SMTNL2: variants seen among roughly 807,000 people sequenced by gnomAD.
SMTNL2 encodes smoothelin like 2.
In SMTNL2, 43 loss-of-function variants were observed where a neutral mutation model predicts 44.1. The ratio of observed to expected loss-of-function variants is 0.98; its 90% CI spans 0.76 to 1.26. The LOEUF is 1.26. Among genes scored for constraint, SMTNL2 ranks in the 50% most tolerant of loss-of-function variants. The pLI, the probability that SMTNL2 is intolerant of heterozygous loss-of-function variation, is 0.00. For synonymous variants in SMTNL2, 317 were observed against 287.6 expected (o/e 1.10, Z -1.03); for missense variants, 646 against 670.2 (o/e 0.96, Z 0.40).
Position 4,607,532 on chromosome 17 carries a change from C to G in SMTNL2, c.*45C>G. The G allele has an allele frequency of 6.3e-7, 1 of 1,596,418 alleles. No homozygotes were observed. The highest frequency in any genetic ancestry group is 8.6e-7 in the Non-Finnish European group (1 of 1,167,288). On this transcript the variant is annotated 3_prime_UTR_variant, in exon 8 of 8. Coordinates refer to ENST00000389313, the MANE Select transcript of SMTNL2 (RefSeq NM_001114974.2). This position sits in a 1 kb window ranked among gnomAD's most constrained non-coding sequence, Gnocchi z 4.7. ...CCAAAGAGCAGCCCCAGGAAGAGGC[C>G]GGGGGTCCGCTTGCGATTCCCCAGC...
chr17:4,605,153 GTT>G lies in SMTNL2; in HGVS notation c.1260-2183_1260-2182del, dbSNP rs753950451. Among the ~76,000 whole-genome samples, 43 of 82,238 alleles carry G rather than the reference GTT, an allele frequency of 5.2e-4. 1 individual carries two copies. The highest frequency in any genetic ancestry group is 1.7e-3 in the African/African-American group (32 of 18,494). The allele number at this position is 82,238 out of a possible 152,430, so 54.0% of individuals were successfully genotyped here. A position where few individuals can be genotyped will look rare whatever the true frequency, so the allele number is the denominator to read the frequency against. ...GAATAATCTCTGACTTTTTTGTTTG[GTT>G]TTTTTTTTTTTTTTTTTTTTTTTTG... On this transcript the variant is annotated intron_variant, in intron 7 of 7. Coordinates refer to ENST00000389313, the MANE Select transcript of SMTNL2 (RefSeq NM_001114974.2).
At chr17:4,593,303 C>A in intron 3 of SMTNL2, 132 bp downstream of exon 3, 2 of 1,307,500 alleles carry the variant, frequency 1.5e-6, no homozygotes, top group Non-Finnish European at 2.0e-6. Flanking sequence ...CCTCTGCCTG[C>A]CATGTCAGCC....
In SMTNL2 at chr17:4,597,181, C is replaced by G. The variant is rs373190845; in HGVS notation, c.1117C>G (p.Leu373Val). Residue 373 changes from leucine to valine, a missense_variant, in exon 7 of 8, where the codon CTG becomes GTG. By Grantham distance (32) the Leu-to-Val change is conservative. Coordinates refer to ENST00000389313, the MANE Select transcript of SMTNL2 (RefSeq NM_001114974.2). ...SKTLGYQHVD[L>V]QNFSSSWSDG... ...ACTCACCCTGTTGCAGCACGTGGACCTGCAGAACTTCTCCTCCAGCTGGAG... is the reference window on the plus strand; with the variant it reads ...ACTCACCCTGTTGCAGCACGTGGACGTGCAGAACTTCTCCTCCAGCTGGAG... 6.8e-6 allele frequency: 11 copies of G among 1,613,542 alleles called. No individual in the cohort carries two copies. The African/African-American group carries it at 9.3e-5, about 14-fold the overall frequency.
rs756754081 is a variant in SMTNL2, at chr17:4,595,301, G to C, written c.963G>C (p.Lys321Asn). The change falls in exon 5 of 8, where the codon AAG becomes AAC. Residue 321 changes from lysine (K) to asparagine (N), a missense_variant. Transcript: ENST00000389313. This position sits in a 1 kb window ranked among gnomAD's most constrained non-coding sequence, Gnocchi z 5.1. ...EAQARKALFE[K>N]WEQETAAGKG... is the part of the protein sequence containing the mutation. ...AGGCCCGGAAAGCATTGTTTGAGAA[G>C]TGGGAGCAGGAAACGGCGGCCGGCA... 11 of 1,612,840 alleles carry C rather than the reference G, an allele frequency of 6.8e-6. No homozygotes were observed. In the South Asian group the frequency reaches 8.8e-5, roughly 13 times the overall value.
intron 7 of SMTNL2, among the ~76,000 whole-genome samples, chr17:4,603,795 G>A (rs1910141703): frequency 6.6e-6 from 1 of 152,128 alleles, no homozygotes; most frequent in Non-Finnish European, 1.5e-5. Context: ...TGATCGCTCA[G>A]GAAGGTGAAC....
At position 4,607,644 on chromosome 17, in the gene SMTNL2, G is replaced by A; in HGVS notation, c.*157G>A. 8.2e-7 allele frequency: 1 copy of A among 1,218,428 alleles called. No individual in the cohort carries two copies. The highest frequency in any genetic ancestry group is 1.1e-6 in the Non-Finnish European group (1 of 888,660). The allele number at this position is 1,218,428 out of a possible 1,614,324, so 75.5% of individuals were successfully genotyped here. A position where few individuals can be genotyped will look rare whatever the true frequency, so the allele number is the denominator to read the frequency against. On this transcript the variant is annotated 3_prime_UTR_variant, in exon 8 of 8. Coordinates refer to ENST00000389313, the MANE Select transcript of SMTNL2 (RefSeq NM_001114974.2). This position sits in a 1 kb window ranked among gnomAD's most constrained non-coding sequence, Gnocchi z 4.7. ...ACGGCACTCCCCTTCGAGCCCAGCT[G>A]TGTTACTGATTAAAAGTACTGCTGA...
Position 4,584,786 on chromosome 17 carries a change from G to A in SMTNL2, c.181G>A (p.Ala61Thr). Reference protein sequence around the residue: ...RLAGPLARTVADLQRDNQRLQ... With the variant: ...RLAGPLARTVTDLQRDNQRLQ... The stretch of plus-strand genomic sequence containing the variant: ...GGCCGGCCCCCTGGCGCGCACGGTG[G>A]CCGACCTGCAGCGGGACAACCAGCG... The change falls in exon 1 of 8, where the codon GCC becomes ACC. Residue 61 changes from alanine to threonine, a missense_variant. Physicochemically the swap from Ala to Thr is moderately conservative, Grantham distance 58. Transcript: ENST00000389313. 2 of 1,320,380 alleles carry A rather than the reference G, an allele frequency of 1.5e-6. No homozygotes were observed. Among genetic ancestry groups the A allele is most frequent in the Non-Finnish European group, 1.9e-6 (2 of 1,038,408 alleles). The allele number at this position is 1,320,380 out of a possible 1,614,324, so 81.8% of individuals were successfully genotyped here. A position where few individuals can be genotyped will look rare whatever the true frequency, so the allele number is the denominator to read the frequency against.
At chr17:4,593,380 G>A (rs1909664681) in intron 3 of SMTNL2, among the ~76,000 whole-genome samples, 1 of 152,248 alleles carries the variant, frequency 6.6e-6, no homozygotes, top group African/African-American at 2.4e-5. Flanking sequence ...ATCCCCTGGT[G>A]GGGGCGACCG....
chr17:4,588,354 T>G (rs1399961231), intron 1 of SMTNL2, among the ~76,000 whole-genome samples: 1 of 152,210 alleles, frequency 6.6e-6, no homozygotes, highest in African/African-American at 2.4e-5. Flanking sequence ...GCCTTTCCCG[T>G]GAGTGCCTCA....
In SMTNL2 at chr17:4,584,563, T is replaced by C. The variant is rs945514233; in HGVS notation, c.-43T>C. The stretch of plus-strand genomic sequence containing the variant: ...CCGGAGCTGCGGAGCTCGGATCTTC[T>C]CCCCCGTCTGGCCCGCTCTCGACCC... On this transcript the variant is annotated 5_prime_UTR_variant, in exon 1 of 8. Transcript: ENST00000389313. The C allele has an allele frequency of 1.4e-5, 17 of 1,216,568 alleles. No homozygotes were observed. The highest frequency in any genetic ancestry group is 5.1e-6 in the Non-Finnish European group (5 of 978,184). The allele number at this position is 1,216,568 out of a possible 1,614,324, so 75.4% of individuals were successfully genotyped here. A position where few individuals can be genotyped will look rare whatever the true frequency, so the allele number is the denominator to read the frequency against.
intron 7 of SMTNL2, among the ~76,000 whole-genome samples, chr17:4,604,628 C>T (rs1597418780): frequency 6.6e-6 from 1 of 152,172 alleles, no homozygotes; most frequent in Admixed American, 6.6e-5. Context: ...GGAATCACAG[C>T]CTCACAACAG....
chr17:4,587,301 G>T (rs752318074), intron 1 of SMTNL2, among the ~76,000 whole-genome samples: 12 of 152,200 alleles, frequency 7.9e-5, no homozygotes, highest in Non-Finnish European at 1.2e-4. Context: ...CGGGGCCTGA[G>T]GCAGCTGCCG....
intron 1 of SMTNL2, among the ~76,000 whole-genome samples, chr17:4,588,941 TG>T (rs1436610959): frequency 1.3e-5 from 2 of 152,294 alleles, no homozygotes; most frequent in Admixed American, 6.5e-5. Flanking sequence ...GATGATGGGT[TG>T]GAGGATGGTC....
At chr17:4,594,382 G>A (rs1370573073) in intron 4 of SMTNL2, among the ~76,000 whole-genome samples, 2 of 152,130 alleles carry the variant, frequency 1.3e-5, no homozygotes, top group Non-Finnish European at 2.9e-5. Flanking sequence ...TCGGGAAGCG[G>A]AGTTTGCAGT....
At chr17:4,585,960 T>C (rs1909332856) in intron 1 of SMTNL2, among the ~76,000 whole-genome samples, 1 of 152,188 alleles carries the variant, frequency 6.6e-6, no homozygotes, top group Non-Finnish European at 1.5e-5. Context: ...CAGACCAAGT[T>C]TGGGCAGCCA....
Position 4,584,801 on chromosome 17 carries a change from G to A in SMTNL2, c.196G>A (p.Asp66Asn). Reference sequence around the variant, plus strand: ...GCGCACGGTGGCCGACCTGCAGCGGGACAACCAGCGGCTGCAGGCGCAGCT... The same window carrying A: ...GCGCACGGTGGCCGACCTGCAGCGGAACAACCAGCGGCTGCAGGCGCAGCT... ...LARTVADLQR[D>N]NQRLQAQLER... The change falls in exon 1 of 8, where the codon GAC becomes AAC. Residue 66 changes from aspartate to asparagine, a missense_variant. Physicochemically the swap from Asp to Asn is conservative, Grantham distance 23. Coordinates refer to ENST00000389313, the MANE Select transcript of SMTNL2 (RefSeq NM_001114974.2). 1.5e-6 allele frequency: 2 copies of A among 1,324,680 alleles called. No homozygotes were observed. The highest frequency in any genetic ancestry group is 1.9e-5 in the South Asian group (1 of 52,420). The allele number at this position is 1,324,680 out of a possible 1,614,324, so 82.1% of individuals were successfully genotyped here.
At chr17:4,584,159 G>T, upstream of SMTNL2, 1 of 155,556 alleles carries the variant, frequency 6.4e-6, no homozygotes, top group East Asian at 1.9e-4. Context: ...GGAGTGGGGC[G>T]GCAGCTGTGG....
At chr17:4,605,089 G>A (rs1410368477) in intron 7 of SMTNL2, among the ~76,000 whole-genome samples, 2 of 150,020 alleles carry the variant, frequency 1.3e-5, no homozygotes, top group Middle Eastern at 3.6e-3. Flanking sequence ...GATCCACCCT[G>A]CTTCTTAAAG....
rs111449146 is a variant in SMTNL2, at chr17:4,593,271, C to G, written c.730+100C>G. ...GGGAGTCGGTGGGTGACATGGAAAA[C>G]GAGGGGCTAAGCCCAGCCCTGCCTC... On this transcript the variant is annotated intron_variant, in intron 3 of 7. Transcript: ENST00000389313. 9.3e-5 allele frequency: 136 copies of G among 1,458,230 alleles called. 1 individual carries two copies. In the African/African-American group the frequency reaches 1.4e-3, roughly 15 times the overall value. 90.3% of individuals were successfully genotyped at this position (1,458,230 alleles called of 1,614,324 possible). A position where few individuals can be genotyped will look rare whatever the true frequency, so the allele number is the denominator to read the frequency against.
Sources: allele counts gnomAD v4.1 joint callset (sites outside exome capture counted in the v4.1 genomes callset), GRCh38; gene constraint gnomAD v4.1.1; non-coding constraint Gnocchi (gnomAD v3.1); transcripts MANE v1.5; gene names NCBI Gene and HGNC (gene_info 2026-07-23, HGNC 2026-07-21).